Variants in SOX5 observed in about 807,000 individuals in gnomAD.
SOX5 encodes the protein SRY-box transcription factor 5.
In SOX5, 9 loss-of-function variants were observed where a neutral mutation model predicts 92.0. That is an observed-to-expected ratio of 0.10 (90% confidence interval 0.06 to 0.17). The LOEUF (loss-of-function observed/expected upper bound fraction) is 0.17, where lower values mean the gene tolerates loss of function less well. SOX5 is among the 10% of genes least tolerant of loss of function. The pLI, the probability that SOX5 is intolerant of heterozygous loss-of-function variation, is 1.00. For synonymous variants in SOX5, 344 were observed against 336.3 expected, an observed-to-expected ratio of 1.02 and a Z score of -0.25; for missense variants, 642 against 944.5, an observed-to-expected ratio of 0.68 and a Z score of 4.20.
chr12:24,234,947 A>G (rs953697590), intron 3 of SOX5, among the ~76,000 whole-genome samples: 2 of 152,140 alleles, frequency 1.3e-5, no homozygotes, highest in African/African-American at 2.4e-5. Flanking sequence ...ACACAGGTCA[A>G]CTTCTTCCCC....
At chr12:23,584,851 A>T (rs533062362) in intron 9 of SOX5, among the ~76,000 whole-genome samples, 3 of 152,146 alleles carry the variant, frequency 2.0e-5, no homozygotes, top group Non-Finnish European at 4.4e-5. Flanking sequence ...TGTAGCATTC[A>T]TATCACTGTA....
At chr12:23,585,735 C>A (rs1276950387) in intron 9 of SOX5, among the ~76,000 whole-genome samples, 1 of 151,960 alleles carries the variant, frequency 6.6e-6, no homozygotes, top group Non-Finnish European at 1.5e-5. Flanking sequence ...ACAAAAAGCA[C>A]CCTGAGAAAT....
intron 2 of SOX5, among the ~76,000 whole-genome samples, chr12:24,337,008 G>A (rs187577488): frequency 2.0e-5 from 3 of 152,294 alleles, no homozygotes; most frequent in African/African-American, 4.8e-5. Context: ...TAAGATGCAC[G>A]TGGATGCTTA....
At chr12:24,312,838 T>A (rs926502786) in intron 2 of SOX5, among the ~76,000 whole-genome samples, 1 of 152,196 alleles carries the variant, frequency 6.6e-6, no homozygotes, top group Non-Finnish European at 1.5e-5. Context: ...CCTGCAACCT[T>A]CTTAAAGGTC....
chr12:24,210,571 A>G (rs191580004), intron 4 of SOX5, among the ~76,000 whole-genome samples: 1 of 152,358 alleles, frequency 6.6e-6, no homozygotes, highest in African/African-American at 2.4e-5. Flanking sequence ...TTGAAATGAT[A>G]AATGGCAAAC....
At chr12:23,561,443 C>T (rs1946180190) in intron 11 of SOX5, among the ~76,000 whole-genome samples, 1 of 152,128 alleles carries the variant, frequency 6.6e-6, no homozygotes, top group Admixed American at 6.5e-5. Flanking sequence ...AGAACAACAG[C>T]TGATCTGTAT....
intron 1 of SOX5, among the ~76,000 whole-genome samples, chr12:23,936,503 C>T (rs1370809745): frequency 6.6e-6 from 1 of 150,546 alleles, no homozygotes; most frequent in Non-Finnish European, 1.5e-5. Flanking sequence ...AATAAAATTC[C>T]ACTTTGTGGT....
intron 10 of SOX5, 28 bp from the exon 11 acceptor site, chr12:23,563,431 C>A (rs1946551732): frequency 1.2e-6 from 2 of 1,606,800 alleles, no homozygotes; most frequent in South Asian, 1.1e-5. Flanking sequence ...CAAAGGATAT[C>A]TTTTGTATAA....
intron 14 of SOX5, among the ~76,000 whole-genome samples, chr12:23,535,443 T>A (rs1159133115): frequency 3.3e-5 from 5 of 152,216 alleles, no homozygotes; most frequent in Non-Finnish European, 7.3e-5. Context: ...TGCCACAGAC[T>A]TGAAATTCTT....
In SOX5 at chr12:24,436,858, G is replaced by C. The variant is rs1031865998; in HGVS notation, c.-250-68219C>G. Among the ~76,000 whole-genome samples, 7 of 152,076 alleles carry C rather than the reference G, an allele frequency of 4.6e-5. No individual in the cohort carries two copies. In the South Asian group the frequency reaches 1.0e-3, roughly 23 times the overall value. ...CTGGTGACTCTAAGTGAAAGCCAAC[G>C]CTTATTTACCATTCCAAACATTCCT... On this transcript the variant is annotated intron_variant, in intron 1 of 4. Coordinates refer to the SOX5 transcript ENST00000446891.
chr12:23,951,193 C>A (rs1945574728), upstream of SOX5, among the ~76,000 whole-genome samples: 2 of 152,110 alleles, frequency 1.3e-5, no homozygotes, highest in Admixed American at 1.3e-4. Flanking sequence ...AAGTGATTAA[C>A]TGGGGGCTAT....
At chr12:23,752,040 A>G (rs2094196663) in intron 4 of SOX5, among the ~76,000 whole-genome samples, 1 of 151,482 alleles carries the variant, frequency 6.6e-6, no homozygotes, top group African/African-American at 2.4e-5. Context: ...GGCCTGAATT[A>G]ATGCACCGTG....
In SOX5 at chr12:23,805,752, T is replaced by C. The variant is rs116533448; in HGVS notation, c.481+40231A>G. Among the ~76,000 whole-genome samples the C allele has an allele frequency of 2.7e-3, 406 of 152,290 alleles. 4 individuals carry two copies. The highest frequency in any genetic ancestry group is 9.4e-3 in the African/African-American group (389 of 41,580). On this transcript the variant is annotated intron_variant, in intron 3 of 14. Transcript: ENST00000451604. ...GGCCAAACAGTAATTCAGAACAAAGTCAAACTTATCATCTAAGTGAAAGTT... is the reference window on the plus strand; with the variant it reads ...GGCCAAACAGTAATTCAGAACAAAGCCAAACTTATCATCTAAGTGAAAGTT...
At chr12:24,110,460 T>C (rs1947190085) in intron 4 of SOX5, among the ~76,000 whole-genome samples, 1 of 152,244 alleles carries the variant, frequency 6.6e-6, no homozygotes, top group Admixed American at 6.5e-5. Context: ...ATGACTGATC[T>C]GGGAAGAGAC....
At chr12:23,652,455 C>G (rs2081711983) in intron 7 of SOX5, among the ~76,000 whole-genome samples, 1 of 151,240 alleles carries the variant, frequency 6.6e-6, no homozygotes, top group Non-Finnish European at 1.5e-5. Context: ...TCTCATGGTT[C>G]AGCAACCATA....
At chr12:23,821,207 A>C (rs1489347363) in intron 3 of SOX5, among the ~76,000 whole-genome samples, 1 of 152,180 alleles carries the variant, frequency 6.6e-6, no homozygotes, top group African/African-American at 2.4e-5. Context: ...GAGTTTGCTC[A>C]TGATTTGGAT....
intron 2 of SOX5, among the ~76,000 whole-genome samples, chr12:23,879,416 A>G (rs750441172): frequency 7.2e-5 from 11 of 152,208 alleles, no homozygotes; most frequent in Admixed American, 6.5e-4. Context: ...TAGTTCCCAA[A>G]TAATACATAG....
intron 3 of SOX5, among the ~76,000 whole-genome samples, chr12:24,258,658 T>A (rs1272775155): frequency 6.6e-6 from 1 of 152,142 alleles, no homozygotes; most frequent in Non-Finnish European, 1.5e-5. Context: ...TTGTGGAAAA[T>A]AAACTAAAGT....
chr12:23,710,132 T>C (rs2091890667), intron 6 of SOX5, among the ~76,000 whole-genome samples: 2 of 151,998 alleles, frequency 1.3e-5, no homozygotes, highest in African/African-American at 4.8e-5. Context: ...ACGCACACAC[T>C]CAAAGACACA....
Sources: allele counts gnomAD v4.1 joint callset (sites outside exome capture counted in the v4.1 genomes callset), GRCh38; gene constraint gnomAD v4.1.1; transcripts MANE v1.5; gene names NCBI Gene and HGNC (gene_info 2026-07-23, HGNC 2026-07-21).